Variants in RCAN2 observed in about 807,000 individuals in gnomAD.
RCAN2 encodes calcipressin-2.
RCAN2 carries 9 observed loss-of-function variants against 23.6 expected under a neutral mutation model. That is an observed-to-expected ratio of 0.38 (90% confidence interval 0.23 to 0.67). The LOEUF (loss-of-function observed/expected upper bound fraction) is 0.67, where lower values mean the gene tolerates loss of function less well. Among genes scored for constraint, RCAN2 ranks in the 30% least tolerant of loss-of-function variants. RCAN2 has a pLI of 0.51. For missense variants in RCAN2, 273 were observed against 302.3 expected (o/e 0.90, Z 0.72); for synonymous variants, 109 against 115.7 (o/e 0.94, Z 0.37).
intron 2 of RCAN2, among the ~76,000 whole-genome samples, chr6:46,374,321 TC>T (rs1274987898): frequency 1.3e-5 from 2 of 152,238 alleles, no homozygotes; most frequent in African/African-American, 4.8e-5. Context: ...ATCTCAGGCC[TC>T]CCTAATTGCT....
At chr6:46,402,012 A>C (rs1766261000) in intron 2 of RCAN2, among the ~76,000 whole-genome samples, 1 of 152,236 alleles carries the variant, frequency 6.6e-6, no homozygotes, top group Admixed American at 6.5e-5. Context: ...CACCATCGAG[A>C]GTCTGAGATG....
chr6:46,297,594 A>G (rs1409107066), intron 2 of RCAN2, among the ~76,000 whole-genome samples: 2 of 152,062 alleles, frequency 1.3e-5, no homozygotes. Context: ...CAGAACACAT[A>G]TTTTCTTCAG....
intron 2 of RCAN2, among the ~76,000 whole-genome samples, chr6:46,443,518 ACT>A (rs982708087): frequency 3.0e-4 from 45 of 151,984 alleles, no homozygotes; most frequent in African/African-American, 9.9e-4. Flanking sequence ...TTTTATTGCT[ACT>A]CTCTTTTTAC....
rs898836020 is a variant in RCAN2 at position 46,348,379 on chromosome 6, G to A, written c.226-99483C>T. 3.9e-5 allele frequency among the ~76,000 whole-genome samples: 6 copies of A among 152,104 alleles called. No individual in the cohort carries two copies. In the East Asian group the frequency reaches 7.7e-4, roughly 20 times the overall value. On this transcript the variant is annotated intron_variant, in intron 2 of 4. Transcript: ENST00000371374. ...AATCCTAGACAACAGCCAGCCGTCC[G>A]TCTGTGGTACTGAAAACATCTACAG...
intron 2 of RCAN2, among the ~76,000 whole-genome samples, chr6:46,251,771 C>T (rs1261098748): frequency 3.3e-5 from 5 of 152,134 alleles, no homozygotes; most frequent in East Asian, 1.9e-4. Context: ...TGGCAGACAT[C>T]GAGAACATCT....
chr6:46,454,570 C>A (rs1767967892), intron 2 of RCAN2, among the ~76,000 whole-genome samples: 2 of 152,120 alleles, frequency 1.3e-5, no homozygotes, highest in African/African-American at 4.8e-5. Context: ...AGGTAGGACA[C>A]TTTCTGATTT....
chr6:46,232,683 C>T (rs1399082245), intron 4 of RCAN2, among the ~76,000 whole-genome samples: 2 of 150,004 alleles, frequency 1.3e-5, no homozygotes, highest in Non-Finnish European at 3.0e-5. Flanking sequence ...GTCCCAGCTA[C>T]TGCGGAGGCT....
chr6:46,252,347 T>G (rs1766758850), intron 2 of RCAN2, among the ~76,000 whole-genome samples: 2 of 152,184 alleles, frequency 1.3e-5, no homozygotes, highest in African/African-American at 2.4e-5. Flanking sequence ...TGGCTCCCAT[T>G]TTTCTCCAGT....
chr6:46,342,254 C>A (rs549597045), intron 2 of RCAN2, among the ~76,000 whole-genome samples: 2 of 152,218 alleles, frequency 1.3e-5, no homozygotes, highest in Admixed American at 6.5e-5. Flanking sequence ...AGTATCAGGG[C>A]AAATGCTCTA....
chr6:46,332,661 G>A (rs1764015265), intron 2 of RCAN2, among the ~76,000 whole-genome samples: 1 of 152,054 alleles, frequency 6.6e-6, no homozygotes, highest in Non-Finnish European at 1.5e-5. Context: ...TGGCTGTATA[G>A]TATTCCATGG....
At chr6:46,341,878 A>C (rs891028876) in intron 2 of RCAN2, among the ~76,000 whole-genome samples, 6 of 152,184 alleles carry the variant, frequency 3.9e-5, no homozygotes, top group African/African-American at 1.2e-4. Flanking sequence ...GGGTTGTGGT[A>C]AATCAAAAAG....
intron 2 of RCAN2, among the ~76,000 whole-genome samples, chr6:46,363,595 C>T (rs1244011279): frequency 6.6e-6 from 1 of 151,642 alleles, no homozygotes; most frequent in Non-Finnish European, 1.5e-5. Context: ...ATAACCTGTT[C>T]TTAATTATGA....
chr6:46,303,238 C>A (rs1762962458), intron 2 of RCAN2, among the ~76,000 whole-genome samples: 1 of 151,762 alleles, frequency 6.6e-6, no homozygotes, highest in South Asian at 2.1e-4. Flanking sequence ...AGAACCAACA[C>A]GAGATGTATA....
intron 2 of RCAN2, among the ~76,000 whole-genome samples, chr6:46,370,395 C>A (rs948637170): frequency 6.6e-6 from 1 of 152,168 alleles, no homozygotes; most frequent in African/African-American, 2.4e-5. Flanking sequence ...CTCTGTGTCC[C>A]AGGAAGCTGC....
chr6:46,373,101 G>A (rs758166287), intron 2 of RCAN2, among the ~76,000 whole-genome samples: 8 of 152,048 alleles, frequency 5.3e-5, no homozygotes, highest in Non-Finnish European at 1.0e-4. Context: ...ACAATTTAGT[G>A]TTTTTTCATG....
chr6:46,239,078 G>A (rs1452011745), intron 4 of RCAN2, among the ~76,000 whole-genome samples: 1 of 152,234 alleles, frequency 6.6e-6, no homozygotes, highest in East Asian at 1.9e-4. Context: ...GAGGCTAGAA[G>A]CCTAGATTCA....
At position 46,332,363 on chromosome 6, in the gene RCAN2, G is replaced by C. The variant is rs562927622; in HGVS notation, c.226-83467C>G. 2.0e-5 allele frequency among the ~76,000 whole-genome samples: 3 copies of C among 151,816 alleles called. No homozygotes were observed. In the South Asian group the frequency reaches 6.3e-4, roughly 32 times the overall value. On this transcript the variant is annotated intron_variant, in intron 2 of 4. Coordinates refer to ENST00000371374, the MANE Select transcript of RCAN2 (RefSeq NM_001251974.2). ...TAGGGTACATGTGCACAATGTGCAG[G>C]TTAGTTACATATATATACATGTGCC... is the stretch of plus-strand genomic sequence containing the variant.
intron 4 of RCAN2, among the ~76,000 whole-genome samples, chr6:46,242,100 C>G (rs943311046): frequency 6.6e-6 from 1 of 152,150 alleles, no homozygotes; most frequent in Admixed American, 6.5e-5. Flanking sequence ...ACGTGGCCCT[C>G]GTCTCCTGTC....
At chr6:46,292,506 C>A (rs1762601793) in intron 2 of RCAN2, among the ~76,000 whole-genome samples, 1 of 143,970 alleles carries the variant, frequency 6.9e-6, no homozygotes, top group Non-Finnish European at 1.5e-5. Flanking sequence ...CCTTTTAGAG[C>A]TTAATTATTT....
Sources: gnomAD v4.1 joint callset for allele counts (sites outside exome capture counted in the v4.1 genomes callset) on GRCh38, gnomAD v4.1.1 for gene constraint, MANE v1.5 for transcripts, NCBI Gene and HGNC (gene_info 2026-07-23, HGNC 2026-07-21) for gene names.